The following IL1RAPL1 variants were observed in gnomAD, a reference collection of about 807,000 sequenced individuals.
The protein encoded by IL1RAPL1 is interleukin 1 receptor accessory protein like 1, also known as interleukin-1 receptor accessory protein-like 1.
IL1RAPL1 carries 3 observed loss-of-function variants against 48.4 expected under a neutral mutation model. That is an observed-to-expected ratio of 0.06 (90% CI 0.03 to 0.16). The LOEUF (loss-of-function observed/expected upper bound fraction) is 0.16. Among genes scored for constraint, IL1RAPL1 ranks in the 10% least tolerant of loss-of-function variants. The pLI is 1.00. For synonymous variants in IL1RAPL1, 185 were observed against 187.7 expected, an observed-to-expected ratio of 0.99 and a Z score of 0.12; for missense variants, 349 against 530.6, an observed-to-expected ratio of 0.66 and a Z score of 3.36.
chrX:29,873,385 C>T (rs967508993), intron 6 of IL1RAPL1, among the ~76,000 whole-genome samples: 2 of 106,162 alleles, frequency 1.9e-5, no homozygotes, highest in African/African-American at 7.0e-5. Context: ...TGTGCCCCCC[C>T]CCCAATTATA....
rs140239490 is a variant in IL1RAPL1 at position 28,853,122 on chromosome X, C to G, written c.82+63697C>G. ...TCCTTGAAGTTCTAATAGTTTTGTA[C>G]AGCATGGGGTGGAAATGAGCAGAGC... is the stretch of plus-strand genomic sequence containing the variant. On this transcript the variant is annotated intron_variant, in intron 2 of 10. Transcript: ENST00000378993. Among the ~76,000 whole-genome samples, 1,452 of 70,283 alleles carry G rather than the reference C, an allele frequency of 0.021. 75 individuals carry two copies. In the East Asian group the frequency reaches 0.42, roughly 20 times the overall value. The allele number at this position is 70,283 out of a possible 115,157, so 61.0% of individuals were successfully genotyped here. A position where few individuals can be genotyped will look rare whatever the true frequency, so the allele number is the denominator to read the frequency against.
intron 1 of IL1RAPL1, among the ~76,000 whole-genome samples, chrX:28,691,445 G>C (rs1935177814): frequency 9.0e-6 from 1 of 111,584 alleles, no homozygotes; most frequent in African/African-American, 3.3e-5. Flanking sequence ...ATGTACCTCT[G>C]CCAGGAAGCA....
chrX:28,748,440 G>C (rs1270793851), intron 1 of IL1RAPL1, among the ~76,000 whole-genome samples: 1 of 111,637 alleles, frequency 9.0e-6, no homozygotes, highest in African/African-American at 3.3e-5. Context: ...AAAGAGGAAA[G>C]GTTTTTGTGG....
intron 1 of IL1RAPL1, 101 bp from the exon 2 acceptor site, chrX:28,789,219 C>G (rs1271166162): frequency 1.0e-5 from 5 of 493,235 alleles, no homozygotes; most frequent in Non-Finnish European, 1.8e-5. Context: ...TTGTGTAATT[C>G]ATTGCACCGA....
intron 2 of IL1RAPL1, among the ~76,000 whole-genome samples, chrX:29,160,186 A>C (rs1233504848): frequency 8.9e-6 from 1 of 112,059 alleles, no homozygotes; most frequent in East Asian, 2.8e-4. Context: ...TAGTTTTACT[A>C]TTTTAGTTTT....
chrX:29,635,904 C>T (rs190634240), intron 5 of IL1RAPL1, among the ~76,000 whole-genome samples: 11 of 110,446 alleles, frequency 1.0e-4, no homozygotes, highest in African/African-American at 3.3e-4. Context: ...ATTGTAGGTA[C>T]GCTAGTCATT....
chrX:29,696,360 C>T (rs5972703), intron 6 of IL1RAPL1, among the ~76,000 whole-genome samples: 57,342 of 110,991 alleles, frequency 0.52, 11,378 homozygotes, highest in African/African-American at 0.74. Flanking sequence ...TACAGCTAAA[C>T]TGTGGCAGAA....
intron 5 of IL1RAPL1, among the ~76,000 whole-genome samples, chrX:29,608,200 C>T (rs752245197): frequency 2.7e-5 from 3 of 111,278 alleles, no homozygotes; most frequent in Non-Finnish European, 3.8e-5. Context: ...AACAAGTTAG[C>T]CTGGACTTTT....
intron 6 of IL1RAPL1, among the ~76,000 whole-genome samples, chrX:29,765,966 C>G (rs1484109724): frequency 9.0e-6 from 1 of 110,754 alleles, no homozygotes; most frequent in African/African-American, 3.3e-5. Context: ...GCCACTGTGT[C>G]ATTCATCCAT....
At chrX:29,354,036 G>T (rs903780088) in intron 3 of IL1RAPL1, among the ~76,000 whole-genome samples, 3 of 109,654 alleles carry the variant, frequency 2.7e-5, no homozygotes, top group Non-Finnish European at 5.7e-5. Context: ...TAACCTTATT[G>T]TTTATAAAGT....
At chrX:29,201,486 G>A (rs1487651960) in intron 2 of IL1RAPL1, among the ~76,000 whole-genome samples, 2 of 111,174 alleles carry the variant, frequency 1.8e-5, no homozygotes, top group East Asian at 5.6e-4. Flanking sequence ...CATTAACAAG[G>A]ATTTGTATAT....
intron 2 of IL1RAPL1, among the ~76,000 whole-genome samples, chrX:29,025,434 C>T (rs1926464164): frequency 8.9e-6 from 1 of 111,755 alleles, no homozygotes; most frequent in Non-Finnish European, 1.9e-5. Context: ...ACACTGCTGC[C>T]AGGGAGATCT....
Position 28,940,877 on chromosome X carries a change from A to G in IL1RAPL1, c.82+151452A>G, listed in dbSNP as rs771146126. ...ACATGATCAATCAATGTACCAGCTAATTTTCATAAATGCTGTACCTCATGA... is the reference window on the plus strand; with the variant it reads ...ACATGATCAATCAATGTACCAGCTAGTTTTCATAAATGCTGTACCTCATGA... On this transcript the variant is annotated intron_variant, in intron 2 of 10. Transcript: ENST00000378993. 5.4e-5 allele frequency among the ~76,000 whole-genome samples: 6 copies of G among 110,443 alleles called. No individual in the cohort carries two copies. In the East Asian group the frequency reaches 1.7e-3, roughly 32 times the overall value.
At chrX:28,620,549 A>C (rs1433570223) in intron 1 of IL1RAPL1, among the ~76,000 whole-genome samples, 2 of 111,535 alleles carry the variant, frequency 1.8e-5, no homozygotes, top group Non-Finnish European at 3.8e-5. Context: ...GCCCATTGGC[A>C]TTCTTACTTT....
At chrX:29,565,495 G>T (rs1454236223) in intron 5 of IL1RAPL1, among the ~76,000 whole-genome samples, 1 of 111,829 alleles carries the variant, frequency 8.9e-6, no homozygotes, top group Non-Finnish European at 1.9e-5. Flanking sequence ...GAAAAATGGA[G>T]AAAATATTTA....
chrX:29,080,930 TTC>T lies in IL1RAPL1; in HGVS notation c.83-202006_83-202005del, dbSNP rs764429959. ...GCTATTTTTTTTAAATATTTTTTCT[TTC>T]TTTCTTTCTTTCTTTCTTTCTTTCT... On this transcript the variant is annotated intron_variant, in intron 2 of 10. Transcript: ENST00000378993. Among the ~76,000 whole-genome samples, 7 of 23,844 alleles carry T rather than the reference TTC, an allele frequency of 2.9e-4. No homozygotes were observed. In the East Asian group the frequency reaches 0.01, roughly 35 times the overall value. The allele number at this position is 23,844 out of a possible 115,157, so 20.7% of individuals were successfully genotyped here. A position where few individuals can be genotyped will look rare whatever the true frequency, so the allele number is the denominator to read the frequency against.
At chrX:28,811,208 T>C (rs1469002610) in intron 2 of IL1RAPL1, among the ~76,000 whole-genome samples, 2 of 110,649 alleles carry the variant, frequency 1.8e-5, no homozygotes, top group African/African-American at 6.5e-5. Flanking sequence ...CCAGTTTAGT[T>C]CAGTTAATTT....
intron 5 of IL1RAPL1, among the ~76,000 whole-genome samples, chrX:29,467,899 G>A (rs1934881204): frequency 9.1e-6 from 1 of 110,061 alleles, no homozygotes; most frequent in South Asian, 3.9e-4. Flanking sequence ...TGCTCTTGTC[G>A]GCCCAGGCTG....
chrX:28,964,590 G>A (rs1308388130), intron 2 of IL1RAPL1, among the ~76,000 whole-genome samples: 2 of 111,790 alleles, frequency 1.8e-5, no homozygotes, highest in Admixed American at 9.5e-5. Flanking sequence ...AAAGGTATGT[G>A]CAGTTTGTTT....
Sources: allele counts gnomAD v4.1 joint callset (sites outside exome capture counted in the v4.1 genomes callset), GRCh38; gene constraint gnomAD v4.1.1; transcripts MANE v1.5; gene names NCBI Gene and HGNC (gene_info 2026-07-23, HGNC 2026-07-21).